The following ACOT7 variants were observed in gnomAD, a reference collection of about 807,000 sequenced individuals.
The protein encoded by ACOT7 is acyl-CoA thioesterase 7.
A neutral mutation model predicts 40.2 loss-of-function variants in ACOT7; 12 were observed. That is an observed-to-expected ratio of 0.30 (90% confidence interval 0.19 to 0.48). ACOT7 has a LOEUF of 0.48. ACOT7 is among the 20% of genes least tolerant of loss of function. The probability of loss-of-function intolerance (pLI) is 0.99; values close to 1 mark genes in which losing one functional copy is unlikely to be tolerated. For missense variants in ACOT7, 395 were observed against 530.8 expected (o/e 0.74, Z 2.51); for synonymous variants, 228 against 219.5 (o/e 1.04, Z -0.34).
At chr1:6,332,431 T>A (rs75529946) in intron 4 of ACOT7, among the ~76,000 whole-genome samples, 4,192 of 152,300 alleles carry the variant, frequency 0.028, 205 homozygotes, top group African/African-American at 0.095. Flanking sequence ...ACGTCTCCCC[T>A]CCAGGAGTCT....
chr1:6,369,460 G>A (rs978996885), intron 1 of ACOT7, among the ~76,000 whole-genome samples: 2 of 141,724 alleles, frequency 1.4e-5, no homozygotes, highest in Non-Finnish European at 3.0e-5. Flanking sequence ...AGGCTGGAGT[G>A]CAATGGCACA....
Position 6,282,738 on chromosome 1 carries a change from G to A in ACOT7, c.830-1452C>T, listed in dbSNP as rs376698426. The A allele has an allele frequency of 7.7e-7, 1 of 1,304,158 alleles. No homozygotes were observed. 80.8% of individuals were successfully genotyped at this position (1,304,158 alleles called of 1,614,324 possible). On this transcript the variant is annotated intron_variant, in intron 7 of 8. Transcript: ENST00000361521. This position sits in a 1 kb window ranked among gnomAD's most constrained non-coding sequence, Gnocchi z 4.5. ...TTCATACTTACAGGGAGCACTTCGTGCCAGTGCTGGGAGAGGAGGAAGGAG... is the reference window on the plus strand; with the variant it reads ...TTCATACTTACAGGGAGCACTTCGTACCAGTGCTGGGAGAGGAGGAAGGAG...
intron 8 of ACOT7, among the ~76,000 whole-genome samples, chr1:6,265,367 T>C (rs1638799568): frequency 6.7e-6 from 1 of 149,122 alleles, no homozygotes; most frequent in Middle Eastern, 3.4e-3. Flanking sequence ...GTGCTGCCTA[T>C]GGCCTTGAGA....
intron 7 of ACOT7, 67 bp from the exon 8 acceptor site, chr1:6,281,353 T>C (rs1639355570): frequency 4.8e-6 from 7 of 1,461,936 alleles, no homozygotes; most frequent in Non-Finnish European, 6.7e-6. Context: ...GACACTGGCG[T>C]TTCTGTGGTC....
In ACOT7 at chr1:6,382,726, G is replaced by C. The variant is rs188859577; in HGVS notation, c.143+10531C>G. Among the ~76,000 whole-genome samples the C allele has an allele frequency of 5.5e-4, 83 of 151,786 alleles. 2 individuals are homozygous for C. The highest frequency in any genetic ancestry group is 1.8e-3 in the African/African-American group (73 of 41,516). On this transcript the variant is annotated intron_variant, in intron 1 of 8. Transcript: ENST00000361521. The stretch of plus-strand genomic sequence containing the variant: ...AGCTACTCGGGTGGCTGAGGCAGGA[G>C]GATCACTTGAGGTAGAGGCTCAGTG...
chr1:6,392,924 G>T (rs1376172098), intron 1 of ACOT7, among the ~76,000 whole-genome samples: 1 of 152,092 alleles, frequency 6.6e-6, no homozygotes, highest in African/African-American at 2.4e-5. Flanking sequence ...GCCCACGGGC[G>T]CCGGTCGCCG....
At chr1:6,383,696 T>G (rs1424485233) in intron 1 of ACOT7, among the ~76,000 whole-genome samples, 1 of 151,162 alleles carries the variant, frequency 6.6e-6, no homozygotes, top group Non-Finnish European at 1.5e-5. Context: ...CCACCTACCC[T>G]GCATCTGGCT....
chr1:6,317,622 A>G (rs1254418930), intron 6 of ACOT7, among the ~76,000 whole-genome samples: 4 of 152,084 alleles, frequency 2.6e-5, no homozygotes, highest in African/African-American at 9.7e-5. Context: ...CAGGCATTAA[A>G]CATCTCACAG....
intron 7 of ACOT7, among the ~76,000 whole-genome samples, chr1:6,284,363 G>C (rs1031425638): frequency 7.2e-5 from 11 of 152,042 alleles, no homozygotes; most frequent in Admixed American, 5.2e-4. Context: ...CATCACTTGA[G>C]GTCAGGAATT....
chr1:6,279,786 C>T (rs989910306), intron 8 of ACOT7, among the ~76,000 whole-genome samples: 1 of 152,182 alleles, frequency 6.6e-6, no homozygotes, highest in Admixed American at 6.5e-5. Context: ...GCTACCACCA[C>T]GGGCCCTGGT....
chr1:6,367,357 G>C (rs1642033202), intron 1 of ACOT7, among the ~76,000 whole-genome samples: 1 of 152,144 alleles, frequency 6.6e-6, no homozygotes, highest in Non-Finnish European at 1.5e-5. Flanking sequence ...CCTAAGTTTT[G>C]CTGGGGCCCA....
At chr1:6,272,814 G>A (rs922212358) in intron 8 of ACOT7, among the ~76,000 whole-genome samples, 7 of 152,184 alleles carry the variant, frequency 4.6e-5, no homozygotes, top group African/African-American at 1.7e-4. Context: ...CAGATCTCTC[G>A]CTCACCTTCC....
In ACOT7 at chr1:6,393,408, A is replaced by AG; in HGVS notation, c.-10dup. ...AGCCCGGGCCGCGCCATAAAGGGGGAGGGCAGAGGTGGAGCGATGGGGCTG... is the reference window on the plus strand; with the variant it reads ...AGCCCGGGCCGCGCCATAAAGGGGGAGGGGCAGAGGTGGAGCGATGGGGCTG... On this transcript the variant is annotated 5_prime_UTR_variant, in exon 1 of 9. Coordinates refer to ENST00000361521, the MANE Select transcript of ACOT7 (RefSeq NM_007274.4). 1 of 1,225,170 alleles carries AG rather than the reference A, an allele frequency of 8.2e-7. No homozygotes were observed. Among genetic ancestry groups the AG allele is most frequent in the Non-Finnish European group, 1.0e-6 (1 of 979,800 alleles). 75.9% of individuals were successfully genotyped at this position (1,225,170 alleles called of 1,614,324 possible).
chr1:6,321,583 C>T (rs1022881892), intron 5 of ACOT7, among the ~76,000 whole-genome samples: 1 of 152,176 alleles, frequency 6.6e-6, no homozygotes, highest in Non-Finnish European at 1.5e-5. Context: ...GATGTGATCT[C>T]GGCTCACTGC....
intron 3 of ACOT7, among the ~76,000 whole-genome samples, chr1:6,337,074 T>C (rs1402917255): frequency 6.6e-6 from 1 of 152,236 alleles, no homozygotes; most frequent in Non-Finnish European, 1.5e-5. Context: ...AAAGCCTTCA[T>C]GTGCTGGCAA....
At chr1:6,305,149 G>A (rs948382828) in intron 6 of ACOT7, among the ~76,000 whole-genome samples, 4 of 149,532 alleles carry the variant, frequency 2.7e-5, no homozygotes, top group Non-Finnish European at 4.5e-5. Context: ...AGGGGCGGCC[G>A]GGCAGAGGCG....
At chr1:6,279,975 C>T (rs1639306857) in intron 8 of ACOT7, among the ~76,000 whole-genome samples, 2 of 152,350 alleles carry the variant, frequency 1.3e-5, no homozygotes, top group East Asian at 3.9e-4. Context: ...TGCATGTTCG[C>T]CCCAGAGATT....
chr1:6,276,309 C>T (rs1639187024), intron 8 of ACOT7, among the ~76,000 whole-genome samples: 2 of 152,138 alleles, frequency 1.3e-5, no homozygotes, highest in African/African-American at 2.4e-5. Context: ...CTGCCGCCTG[C>T]GTCCTGCTGT....
intron 7 of ACOT7, among the ~76,000 whole-genome samples, chr1:6,284,996 T>C (rs1387188031): frequency 6.6e-6 from 1 of 152,204 alleles, no homozygotes; most frequent in Non-Finnish European, 1.5e-5. Flanking sequence ...AGAACTGTCC[T>C]CCACTCCTGC....
Sources: gnomAD v4.1 joint callset for allele counts (sites outside exome capture counted in the v4.1 genomes callset) on GRCh38, gnomAD v4.1.1 for gene constraint, Gnocchi (gnomAD v3.1) non-coding constraint, MANE v1.5 for transcripts, NCBI Gene and HGNC (gene_info 2026-07-23, HGNC 2026-07-21) for gene names.